TBC1D24: variants seen among roughly 807,000 people sequenced by gnomAD.
TBC1D24 encodes Infantile myoclonic epilepsy.
TBC1D24 carries 47 observed loss-of-function variants against 50.7 expected under a neutral mutation model. The observed-to-expected ratio is 0.93, with a 90% confidence interval of 0.73 to 1.18. TBC1D24 has a LOEUF of 1.18. Among genes scored for constraint, TBC1D24 ranks in the 50% most tolerant of loss-of-function variants. The pLI is 0.00. For synonymous variants in TBC1D24, 324 were observed against 335.2 expected, an observed-to-expected ratio of 0.97 and a Z score of 0.36; for missense variants, 688 against 766.5, an observed-to-expected ratio of 0.90 and a Z score of 1.21.
At chr16:2,488,493 CTTTTT>C (rs34983305) in intron 1 of TBC1D24, among the ~76,000 whole-genome samples, 101 of 100,712 alleles carry the variant, frequency 1.0e-3, no homozygotes, top group African/African-American at 3.8e-3. Flanking sequence ...TCGCACATAG[CTTTTT>C]TTTTTTTTTT....
rs1403378376 is a variant in TBC1D24 at position 2,483,442 on chromosome 16, A to G, written c.-116+8272A>G. On this transcript the variant is annotated intron_variant, in intron 1 of 7. Transcript: ENST00000646147. This position sits in a 1 kb window ranked among gnomAD's most constrained non-coding sequence, Gnocchi z 4.0. ...GGTCCAGGCTGAGCTGGCAAGAGAG[A>G]AAAGCCAGAGTGGCTGGTGGATGCG... is the stretch of plus-strand genomic sequence containing the variant. 1 of 152,594 alleles carries G rather than the reference A, an allele frequency of 6.6e-6. No homozygotes were observed. The highest frequency in any genetic ancestry group is 1.5e-5 in the Non-Finnish European group (1 of 68,354). 9.5% of individuals were successfully genotyped at this position (152,594 alleles called of 1,614,324 possible).
chr16:2,496,322 G>A lies in TBC1D24; in HGVS notation c.174G>A (p.Leu58=), dbSNP rs771513078. The change falls in exon 2 of 8, where the codon CTG becomes CTA. Residue 58 remains leucine, a synonymous_variant. Transcript: ENST00000646147. The stretch of plus-strand genomic sequence containing the variant: ...TGCGGGGAAAGGTGTACCAGCGCCT[G>A]ATCCGGGACATTCCCTGCCGCACGG... The part of the protein sequence containing the change: ...HALRGKVYQR[L]IRDIPCRTVT... 2.5e-6 allele frequency: 4 copies of A among 1,613,670 alleles called. No homozygotes were observed. The highest frequency in any genetic ancestry group is 3.4e-6 in the Non-Finnish European group (4 of 1,180,042).
Position 2,501,102 on chromosome 16 carries a change from C to G in TBC1D24, c.*144C>G. On this transcript the variant is annotated 3_prime_UTR_variant, in exon 8 of 8. Coordinates refer to ENST00000646147, the MANE Select transcript of TBC1D24 (RefSeq NM_001199107.2). The stretch of plus-strand genomic sequence containing the variant: ...GACCCCATGGCCAAGCCTGGCGTTG[C>G]CTGGACCTGCTGCTGCCTCTACCTG... 1.9e-6 allele frequency: 2 copies of G among 1,059,182 alleles called. No homozygotes were observed. Among genetic ancestry groups the G allele is most frequent in the South Asian group, 3.0e-5 (2 of 65,708 alleles). The allele number at this position is 1,059,182 out of a possible 1,614,324, so 65.6% of individuals were successfully genotyped here.
rs1567415190 is a variant in TBC1D24 at position 2,501,001 on chromosome 16, C to A, written c.*43C>A. ...ACTGAGCCGTGGTGGGGCGGTGGGC[C>A]GAGGCTGGGCTGCCGCCTCGGGCAG... On this transcript the variant is annotated 3_prime_UTR_variant, in exon 8 of 8. Coordinates refer to ENST00000646147, the MANE Select transcript of TBC1D24 (RefSeq NM_001199107.2). 1 of 1,602,174 alleles carries A rather than the reference C, an allele frequency of 6.2e-7. No homozygotes were observed. The highest frequency in any genetic ancestry group is 8.5e-7 in the Non-Finnish European group (1 of 1,179,114).
At position 2,499,400 on chromosome 16, in the gene TBC1D24, A is replaced by C. The variant is rs760209758; in HGVS notation, c.1186A>C (p.Ile396Leu). ...AGGACATGAGCCTACCCTCTTGCTCATCAAGACCACGCAGAAGGAGGTGAG... is the reference window on the plus strand; with the variant it reads ...AGGACATGAGCCTACCCTCTTGCTCCTCAAGACCACGCAGAAGGAGGTGAG... ...CEGHEPTLLL[I>L]KTTQKEVCGA... The change falls in exon 5 of 8, where the codon ATC becomes CTC. Residue 396 changes from isoleucine to leucine, a missense_variant. By Grantham distance (5) the Ile-to-Leu change is conservative. Coordinates refer to ENST00000646147, the MANE Select transcript of TBC1D24 (RefSeq NM_001199107.2). This position sits in a 1 kb window ranked among gnomAD's most constrained non-coding sequence, Gnocchi z 4.0. The C allele has an allele frequency of 5.6e-6, 9 of 1,613,722 alleles. No homozygotes were observed. In the South Asian group the frequency reaches 9.9e-5, roughly 18 times the overall value.
intron 1 of TBC1D24, chr16:2,476,839 G>A (rs1036125938): frequency 1.3e-5 from 2 of 152,376 alleles, no homozygotes; most frequent in East Asian, 3.9e-4. Flanking sequence ...GCCACCCAGG[G>A]TCTGTGAAGT....
Position 2,504,994 on chromosome 16 carries a change from C to G in TBC1D24, c.*4036C>G, listed in dbSNP as rs912252714. ...TCAAGCAATCCTCCCGCCTCTGCCT[C>G]CCTAAATTCTGGGATTACAGGCGTG... On this transcript the variant is annotated 3_prime_UTR_variant, in exon 8 of 8. Transcript: ENST00000646147. 6.6e-6 allele frequency: 1 copy of G among 152,180 alleles called. No homozygotes were observed. Among genetic ancestry groups the G allele is most frequent in the African/African-American group, 2.4e-5 (1 of 41,434 alleles). The allele number at this position is 152,180 out of a possible 1,614,324, so 9.4% of individuals were successfully genotyped here.
At chr16:2,478,265 A>C (rs1009014201) in intron 1 of TBC1D24, 1 of 152,228 alleles carries the variant, frequency 6.6e-6, no homozygotes, top group African/African-American at 2.4e-5. Flanking sequence ...GCAGTGAGCT[A>C]TGATTGTTCC....
At position 2,486,033 on chromosome 16, in the gene TBC1D24, C is replaced by T. The variant is rs2065647064; in HGVS notation, c.-115-10001C>T. Among the ~76,000 whole-genome samples, 1 of 152,204 alleles carries T rather than the reference C, an allele frequency of 6.6e-6. No homozygotes were observed. Among genetic ancestry groups the T allele is most frequent in the Non-Finnish European group, 1.5e-5 (1 of 68,018 alleles). ...GCCCGGGCTGGAATGCCTGTGCTGC[C>T]CTCCCCTGCCTGGCGGGTGGGGTCG... is the stretch of plus-strand genomic sequence containing the variant. On this transcript the variant is annotated intron_variant, in intron 1 of 7. Transcript: ENST00000646147. This position sits in a 1 kb window ranked among gnomAD's most constrained non-coding sequence, Gnocchi z 5.8.
At chr16:2,479,732 G>T (rs967714905) in intron 1 of TBC1D24, 2 of 152,274 alleles carry the variant, frequency 1.3e-5, no homozygotes, top group African/African-American at 2.4e-5. Context: ...TCACAGGGGC[G>T]CAGGCTTCAT....
rs1297622195 is a variant in TBC1D24, at chr16:2,500,233, C to G, written c.1303-35C>G. The G allele has an allele frequency of 6.5e-7, 1 of 1,544,224 alleles. No homozygotes were observed. Among genetic ancestry groups the G allele is most frequent in the African/African-American group, 1.4e-5 (1 of 72,880 alleles). On this transcript the variant is annotated intron_variant, in intron 6 of 7. Transcript: ENST00000646147. The surrounding 1 kb of genome is among the most constrained non-coding windows in gnomAD (Gnocchi z 8.0). ...CTGGGGCAGAGGGGCCTGCGAACGC[C>G]CGCGCCAGCTCCTCACACTCCCCTT...
chr16:2,476,281 G>T lies in TBC1D24; in HGVS notation c.-116+1111G>T, dbSNP rs77908793. Among the ~76,000 whole-genome samples the T allele has an allele frequency of 2.0e-4, 31 of 152,148 alleles. 1 individual carries two copies. In the East Asian group the frequency reaches 5.8e-3, roughly 28 times the overall value. ...CAGTAGGCACCTGTAGATGGCACAC[G>T]TGGCGTTTCCTCCGCCCGAGGGCCA... On this transcript the variant is annotated intron_variant, in intron 1 of 7. Transcript: ENST00000646147.
At chr16:2,481,670 G>C (rs994530080) in intron 1 of TBC1D24, 3 of 152,278 alleles carry the variant, frequency 2.0e-5, no homozygotes, top group African/African-American at 7.2e-5. Context: ...GCAGAGTCCT[G>C]TGCCAGCTCC....
In TBC1D24 at chr16:2,475,904, T is replaced by C. The variant is rs2065564206; in HGVS notation, c.-116+734T>C. On this transcript the variant is annotated intron_variant, in intron 1 of 7. Coordinates refer to ENST00000646147, the MANE Select transcript of TBC1D24 (RefSeq NM_001199107.2). This position sits in a 1 kb window ranked among gnomAD's most constrained non-coding sequence, Gnocchi z 4.2. ...GGCCGTGCCCCGCAGGGAAACGCGC[T>C]GTGGCCCCCGGGTTACTGCTTGCGG... 6.6e-6 allele frequency among the ~76,000 whole-genome samples: 1 copy of C among 152,218 alleles called. No homozygotes were observed. Among genetic ancestry groups the C allele is most frequent in the Non-Finnish European group, 1.5e-5 (1 of 68,028 alleles).
intron 1 of TBC1D24, among the ~76,000 whole-genome samples, chr16:2,488,493 CTTTTTTTTTTTT>C (rs34983305): frequency 2.0e-5 from 2 of 100,722 alleles, no homozygotes; most frequent in Admixed American, 1.1e-4. Context: ...TCGCACATAG[CTTTTTTTTTTTT>C]TTTTTTTTTT....
At position 2,499,768 on chromosome 16, in the gene TBC1D24, G is replaced by A; in HGVS notation, c.1207-67G>A. The A allele has an allele frequency of 7.2e-7, 1 of 1,389,162 alleles. No homozygotes were observed. The highest frequency in any genetic ancestry group is 1.0e-6 in the Non-Finnish European group (1 of 974,916). The allele number at this position is 1,389,162 out of a possible 1,614,324, so 86.1% of individuals were successfully genotyped here. A position where few individuals can be genotyped will look rare whatever the true frequency, so the allele number is the denominator to read the frequency against. On this transcript the variant is annotated intron_variant, in intron 5 of 7. Transcript: ENST00000646147. The surrounding 1 kb of genome is among the most constrained non-coding windows in gnomAD (Gnocchi z 4.0). ...CCTGTGACCTGGGACAGGCCCGTCA[G>A]TAGTCTGGAGCACAGGGACGCTCCT...
rs1271688242 is a variant in TBC1D24 at position 2,487,714 on chromosome 16, G to A, written c.-115-8320G>A. 6.6e-6 allele frequency among the ~76,000 whole-genome samples: 1 copy of A among 152,136 alleles called. No individual in the cohort carries two copies. The highest frequency in any genetic ancestry group is 6.6e-5 in the Admixed American group (1 of 15,260). On this transcript the variant is annotated intron_variant, in intron 1 of 7. Transcript: ENST00000646147. This position sits in a 1 kb window ranked among gnomAD's most constrained non-coding sequence, Gnocchi z 4.1. ...TTTGGTGCTGGAGTTTGGTGTTGGA[G>A]TTTGGTGTTTGGGGATGGCAGGTGG...
rs537234981 is a variant in TBC1D24 at position 2,505,639 on chromosome 16, A to G, written c.*4681A>G. The G allele has an allele frequency of 6.6e-6, 1 of 152,390 alleles. No individual in the cohort carries two copies. The highest frequency in any genetic ancestry group is 1.9e-4 in the East Asian group (1 of 5,196). 9.4% of individuals were successfully genotyped at this position (152,390 alleles called of 1,614,324 possible). Reference sequence around the variant, plus strand: ...GCACAAATGTATGGATTTGCAGCACAATCCAACTTTGAAAATGTGAAAATA... The same window carrying G: ...GCACAAATGTATGGATTTGCAGCACGATCCAACTTTGAAAATGTGAAAATA... On this transcript the variant is annotated 3_prime_UTR_variant, in exon 8 of 8. Coordinates refer to ENST00000646147, the MANE Select transcript of TBC1D24 (RefSeq NM_001199107.2).
chr16:2,495,136 T>G (rs1291143643), intron 1 of TBC1D24, among the ~76,000 whole-genome samples: 1 of 152,068 alleles, frequency 6.6e-6, no homozygotes. Context: ...GTGGATTGCT[T>G]GAGATCAGGA....
Sources: allele counts gnomAD v4.1 joint callset (sites outside exome capture counted in the v4.1 genomes callset), GRCh38; gene constraint gnomAD v4.1.1; non-coding constraint Gnocchi (gnomAD v3.1); transcripts MANE v1.5; gene names NCBI Gene and HGNC (gene_info 2026-07-23, HGNC 2026-07-21).